The following TUSC3 variants were observed in gnomAD, a reference collection of about 807,000 sequenced individuals.
TUSC3 encodes the protein dolichyl-diphosphooligosaccharide--protein glycosyltransferase subunit TUSC3.
A neutral mutation model predicts 44.8 loss-of-function variants in TUSC3; 45 were observed. The ratio of observed to expected loss-of-function variants is 1.00; its 90% CI spans 0.79 to 1.29. The LOEUF (loss-of-function observed/expected upper bound fraction) is 1.29. Among genes scored for constraint, TUSC3 ranks in the 50% most tolerant of loss-of-function variants. The probability of loss-of-function intolerance (pLI) is 0.00; values close to 1 mark genes in which losing one functional copy is unlikely to be tolerated. For synonymous variants in TUSC3, 212 were observed against 152.9 expected, an observed-to-expected ratio of 1.39 and a Z score of -2.85; for missense variants, 519 against 437.9, an observed-to-expected ratio of 1.19 and a Z score of -1.65.
chr8:15,812,628 T>G, the TUSC3 span, among the ~76,000 whole-genome samples: 228 of 152,310 alleles, frequency 1.5e-3, no homozygotes, highest in African/African-American at 5.1e-3. Context: ...AAAGGCAGCT[T>G]ACTGGGGATG....
At chr8:15,485,142 C>T (rs1418518016) in intron 2 of TUSC3, among the ~76,000 whole-genome samples, 1 of 152,116 alleles carries the variant, frequency 6.6e-6, no homozygotes, top group East Asian at 1.9e-4. Flanking sequence ...CTCTAGGACA[C>T]CATTATCTTT....
At chr8:15,808,018 G>A in the TUSC3 span, among the ~76,000 whole-genome samples, 3 of 152,052 alleles carry the variant, frequency 2.0e-5, no homozygotes. Flanking sequence ...AATCTAAAAT[G>A]AAAGTTGAAA....
intron 1 of TUSC3, among the ~76,000 whole-genome samples, chr8:15,556,265 T>C (rs1802260839): frequency 1.4e-5 from 2 of 145,150 alleles, no homozygotes; most frequent in Admixed American, 1.4e-4. Flanking sequence ...TGTTTGGTTT[T>C]TTGTTCTTGA....
At chr8:15,607,948 A>G (rs1008116806) in intron 1 of TUSC3, among the ~76,000 whole-genome samples, 5 of 152,126 alleles carry the variant, frequency 3.3e-5, no homozygotes, top group African/African-American at 9.7e-5. Flanking sequence ...ATGCCCATAT[A>G]ATTTACCTGA....
intron 1 of TUSC3, among the ~76,000 whole-genome samples, chr8:15,441,375 C>A (rs577870768): frequency 8.5e-5 from 13 of 152,242 alleles, no homozygotes; most frequent in African/African-American, 2.9e-4. Flanking sequence ...TCACTGCACT[C>A]CAGGCTGGGT....
rs756393713 is a variant in TUSC3 at position 15,611,189 on chromosome 8, CTGT to C, written c.139-11883_139-11881del. Among the ~76,000 whole-genome samples the C allele has an allele frequency of 7.2e-5, 11 of 151,970 alleles. No individual in the cohort carries two copies. In the Middle Eastern group the frequency reaches 0.01, roughly 141 times the overall value. ...ATTTCAAAGAACTTTTTTGTTGTTG[CTGT>C]TGTTGTTTTTTTGAGACAGAGTCTT... On this transcript the variant is annotated intron_variant, in intron 1 of 10. Coordinates refer to ENST00000503731, the MANE Select transcript of TUSC3 (RefSeq NM_006765.4).
chr8:15,600,513 A>C (rs967854287), intron 1 of TUSC3, among the ~76,000 whole-genome samples: 2 of 151,590 alleles, frequency 1.3e-5, no homozygotes, highest in African/African-American at 4.8e-5. Context: ...CATTATTGTG[A>C]CCGTTAAATT....
intron 1 of TUSC3, among the ~76,000 whole-genome samples, chr8:15,447,547 C>T (rs889510488): frequency 6.6e-6 from 1 of 151,944 alleles, no homozygotes; most frequent in Non-Finnish European, 1.5e-5. Flanking sequence ...GGCTATGAAG[C>T]AATGAAAAAA....
rs1320647818 is a variant in TUSC3, at chr8:15,764,833, G to A, written c.*677G>A. On this transcript the variant is annotated 3_prime_UTR_variant, in exon 11 of 11. Transcript: ENST00000503731. ...GCAGTGTGCTTCAAAGGCATCAGACGATGAAAGCAACATACCACAACTAGG... is the reference window on the plus strand; with the variant it reads ...GCAGTGTGCTTCAAAGGCATCAGACAATGAAAGCAACATACCACAACTAGG... The A allele has an allele frequency of 2.0e-5, 3 of 152,074 alleles. No homozygotes were observed. Among genetic ancestry groups the A allele is most frequent in the Non-Finnish European group, 2.9e-5 (2 of 67,982 alleles). 9.4% of individuals were successfully genotyped at this position (152,074 alleles called of 1,614,324 possible).
intron 2 of TUSC3, among the ~76,000 whole-genome samples, chr8:15,496,572 C>T (rs1249631472): frequency 6.6e-6 from 1 of 152,116 alleles, no homozygotes; most frequent in East Asian, 1.9e-4. Flanking sequence ...GATTTTTCTC[C>T]CTTACCAGGC....
intron 2 of TUSC3, 29 bp from the exon 3 acceptor site, chr8:15,650,668 T>C (rs1224621788): frequency 2.5e-6 from 4 of 1,597,220 alleles, no homozygotes; most frequent in Non-Finnish European, 3.4e-6. Context: ...TACTGATGTG[T>C]TTCTACTATG....
At position 15,621,261 on chromosome 8, in the gene TUSC3, A is replaced by C. The variant is rs549170434; in HGVS notation, c.139-1819A>C. ...TGGTTCATTGTGTGTATTGGTAAAT[A>C]CTGGAGACTTTAAAACTTATTAAAT... is the stretch of plus-strand genomic sequence containing the variant. On this transcript the variant is annotated intron_variant, in intron 1 of 10. Coordinates refer to ENST00000503731, the MANE Select transcript of TUSC3 (RefSeq NM_006765.4). Among the ~76,000 whole-genome samples the C allele has an allele frequency of 4.0e-5, 6 of 151,842 alleles. No homozygotes were observed. The South Asian group carries it at 1.2e-3, about 31-fold the overall frequency.
chr8:15,427,212 G>A (rs563113696), intron 1 of TUSC3, among the ~76,000 whole-genome samples: 25 of 134,578 alleles, frequency 1.9e-4, no homozygotes, highest in African/African-American at 6.5e-4. Context: ...ATTGTCTAAC[G>A]GTGCAGAAGG....
At chr8:15,709,137 T>C (rs186922379) in intron 6 of TUSC3, among the ~76,000 whole-genome samples, 157 of 151,984 alleles carry the variant, frequency 1.0e-3, no homozygotes, top group East Asian at 4.5e-3. Flanking sequence ...AAATGTTAGA[T>C]TATATTATGT....
rs555925524 is a variant in TUSC3, at chr8:15,520,744, C to T, written n.189+37261C>T. ...TTCTCCACCTTGTTATTGCCTTTAC[C>T]CACAAGAAATTTCCTACAAACACCA... is the stretch of plus-strand genomic sequence containing the variant. On this transcript the variant is annotated intron_variant and non_coding_transcript_variant, in intron 2 of 5. Coordinates refer to the TUSC3 transcript ENST00000503191. 1.3e-4 allele frequency among the ~76,000 whole-genome samples: 20 copies of T among 152,194 alleles called. No homozygotes were observed. In the East Asian group the frequency reaches 3.7e-3, roughly 28 times the overall value.
intron 6 of TUSC3, among the ~76,000 whole-genome samples, chr8:15,729,205 C>CG (rs772698704): frequency 4.6e-5 from 7 of 152,088 alleles, no homozygotes; most frequent in Non-Finnish European, 7.4e-5. Context: ...ATATGTTAGT[C>CG]AGTGATGTAA....
intron 1 of TUSC3, among the ~76,000 whole-genome samples, chr8:15,586,288 T>C (rs897087729): frequency 2.0e-5 from 3 of 152,114 alleles, no homozygotes; most frequent in Non-Finnish European, 4.4e-5. Flanking sequence ...GAGAAGCTTG[T>C]ATAAGTCATT....
chr8:15,604,057 A>G (rs931736798), intron 1 of TUSC3, among the ~76,000 whole-genome samples: 1 of 151,746 alleles, frequency 6.6e-6, no homozygotes, highest in African/African-American at 2.4e-5. Context: ...GGGGTGCCCT[A>G]CAGCAATGCA....
At chr8:15,527,802 A>G (rs1440448249) in intron 2 of TUSC3, among the ~76,000 whole-genome samples, 1 of 152,204 alleles carries the variant, frequency 6.6e-6, no homozygotes, top group Non-Finnish European at 1.5e-5. Context: ...TAGACAAAAT[A>G]AGCTCTTCAC....
Sources: gnomAD v4.1 joint callset for allele counts (sites outside exome capture counted in the v4.1 genomes callset) on GRCh38, gnomAD v4.1.1 for gene constraint, MANE v1.5 for transcripts, NCBI Gene and HGNC (gene_info 2026-07-23, HGNC 2026-07-21) for gene names.